Variants in CLINT1 observed in about 807,000 individuals in gnomAD.
CLINT1 encodes clathrin interacting protein localized in the trans-Golgi region.
Under a neutral mutation model 70.4 loss-of-function variants are expected in CLINT1, and 15 were observed. The observed-to-expected ratio is 0.21, with a 90% CI of 0.14 to 0.33. The LOEUF (loss-of-function observed/expected upper bound fraction) is 0.33, where lower values mean the gene tolerates loss of function less well. Ranked by LOEUF, CLINT1 falls within the 10% of genes least tolerant of loss-of-function variation. The pLI is 1.00. For synonymous variants in CLINT1, 227 were observed against 254.7 expected, an observed-to-expected ratio of 0.89 and a Z score of 1.04; for missense variants, 615 against 778.1, an observed-to-expected ratio of 0.79 and a Z score of 2.49.
intron 1 of CLINT1, among the ~76,000 whole-genome samples, chr5:157,832,430 G>A (rs975140706): frequency 1.3e-5 from 2 of 152,316 alleles, no homozygotes; most frequent in Admixed American, 1.3e-4. Flanking sequence ...GCTGCAAGCT[G>A]TCACTGGGAT....
chr5:157,820,908 T>A (rs567666925), intron 1 of CLINT1, among the ~76,000 whole-genome samples: 1 of 152,294 alleles, frequency 6.6e-6, no homozygotes, highest in Non-Finnish European at 1.5e-5. Flanking sequence ...GAATTTGATC[T>A]GCAAACAAAA....
chr5:157,788,040 G>T (rs1225553449), intron 11 of CLINT1, 48 bp from the exon 12 acceptor site: 2 of 1,436,650 alleles, frequency 1.4e-6, no homozygotes, highest in South Asian at 1.2e-5. Flanking sequence ...TAAATTTTTA[G>T]GTTCATAGAA....
chr5:157,819,167 A>C (rs1179672318), intron 1 of CLINT1, among the ~76,000 whole-genome samples: 1 of 152,222 alleles, frequency 6.6e-6, no homozygotes, highest in African/African-American at 2.4e-5. Flanking sequence ...AGAACAAACC[A>C]ACAAACAGGT....
At chr5:157,805,832 C>T in intron 7 of CLINT1, 34 bp downstream of exon 7, 1 of 1,610,660 alleles carries the variant, frequency 6.2e-7, no homozygotes, top group Non-Finnish European at 8.5e-7. Context: ...AAAAATAAAA[C>T]CATGTATAAT....
At position 157,789,529 on chromosome 5, in the gene CLINT1, A is replaced by G; in HGVS notation, c.1381-16T>C. 3 of 1,613,972 alleles carry G rather than the reference A, an allele frequency of 1.9e-6. No homozygotes were observed. Among genetic ancestry groups the G allele is most frequent in the Non-Finnish European group, 2.5e-6 (3 of 1,179,872 alleles). ...TATCTGTATTCTGATTATAGAGAGG[A>G]TTAGGCTTCTGCAGCACTGTGCTAA... On this transcript the variant is annotated splice_polypyrimidine_tract_variant and intron_variant, in intron 10 of 11. Transcript: ENST00000411809.
intron 1 of CLINT1, among the ~76,000 whole-genome samples, chr5:157,828,160 T>A (rs932049232): frequency 6.6e-6 from 1 of 152,156 alleles, no homozygotes; most frequent in Non-Finnish European, 1.5e-5. Flanking sequence ...CTGCTGCTAT[T>A]ATGACCTGGG....
chr5:157,793,624 G>A (rs1175391879), intron 9 of CLINT1, among the ~76,000 whole-genome samples: 3 of 152,046 alleles, frequency 2.0e-5, no homozygotes, highest in Non-Finnish European at 4.4e-5. Context: ...AATTAGACAG[G>A]GAAGCTATAA....
At chr5:157,809,931 A>G in intron 5 of CLINT1, 126 bp from the exon 6 acceptor site, 1 of 877,826 alleles carries the variant, frequency 1.1e-6, no homozygotes, top group South Asian at 1.7e-5. Flanking sequence ...GAAAGCTCCC[A>G]CAGTGCTGAA....
At chr5:157,805,411 A>C (rs1170696580) in intron 7 of CLINT1, among the ~76,000 whole-genome samples, 2 of 152,254 alleles carry the variant, frequency 1.3e-5, no homozygotes, top group African/African-American at 2.4e-5. Flanking sequence ...GATACTGATC[A>C]GTAATGACTG....
intron 1 of CLINT1, among the ~76,000 whole-genome samples, chr5:157,824,536 C>T (rs973633195): frequency 6.6e-6 from 1 of 152,088 alleles, no homozygotes; most frequent in African/African-American, 2.4e-5. Flanking sequence ...AAATGAAATA[C>T]AATGCAATGA....
chr5:157,827,136 A>AT (rs554376044), intron 1 of CLINT1, among the ~76,000 whole-genome samples: 1 of 151,990 alleles, frequency 6.6e-6, no homozygotes, highest in Non-Finnish European at 1.5e-5. Context: ...AAATCTTAAA[A>AT]TTTTTTTTCC....
intron 10 of CLINT1, among the ~76,000 whole-genome samples, chr5:157,791,410 G>T (rs3822721): frequency 0.17 from 25,777 of 152,200 alleles, 3,175 homozygotes; most frequent in East Asian, 0.58. Context: ...CCAATTTGTT[G>T]TAACAATAAA....
intron 9 of CLINT1, 125 bp from the exon 10 acceptor site, chr5:157,792,120 T>A: frequency 1.3e-6 from 1 of 741,298 alleles, no homozygotes. Context: ...GCAGGTACCA[T>A]CTCCATCTGG....
At chr5:157,830,238 G>A (rs1051841766) in intron 1 of CLINT1, among the ~76,000 whole-genome samples, 12 of 152,150 alleles carry the variant, frequency 7.9e-5, no homozygotes, top group African/African-American at 2.9e-4. Context: ...ATCATCCACT[G>A]CAACCAGTCG....
rs572057624 is a variant in CLINT1 at position 157,828,169 on chromosome 5, G to A, written c.42-10622C>T. Among the ~76,000 whole-genome samples the A allele has an allele frequency of 2.6e-5, 4 of 152,202 alleles. No homozygotes were observed. In the South Asian group the frequency reaches 8.3e-4, roughly 32 times the overall value. On this transcript the variant is annotated intron_variant, in intron 1 of 11. Coordinates refer to ENST00000411809, the MANE Select transcript of CLINT1 (RefSeq NM_014666.4). ...CAGGTGCTGCTGCTATTATGACCTG[G>A]GCAGATGACAGGCTTACAGAAAAAC... is the stretch of plus-strand genomic sequence containing the variant.
intron 2 of CLINT1, 113 bp downstream of exon 2, chr5:157,817,330 T>C (rs1762750198): frequency 1.0e-5 from 7 of 672,510 alleles, no homozygotes; most frequent in South Asian, 9.3e-5. Flanking sequence ...TGAATGATTA[T>C]GCAAAATTTA....
chr5:157,814,126 G>T, intron 4 of CLINT1, 59 bp downstream of exon 4: 3 of 1,092,072 alleles, frequency 2.7e-6, no homozygotes, highest in Non-Finnish European at 4.1e-6. Context: ...AGCTGGTTCA[G>T]GTGACTGACA....
intron 1 of CLINT1, among the ~76,000 whole-genome samples, chr5:157,856,709 C>G (rs1378942627): frequency 6.6e-6 from 1 of 152,194 alleles, no homozygotes; most frequent in African/African-American, 2.4e-5. Context: ...AAATCAACCT[C>G]ATGTTCTAAT....
chr5:157,856,929 A>G (rs1214311998), intron 1 of CLINT1, among the ~76,000 whole-genome samples: 1 of 152,238 alleles, frequency 6.6e-6, no homozygotes, highest in Non-Finnish European at 1.5e-5. Context: ...AAGTGTGATA[A>G]GCAAATATGA....
Sources: gnomAD v4.1 joint callset for allele counts (sites outside exome capture counted in the v4.1 genomes callset) on GRCh38, gnomAD v4.1.1 for gene constraint, MANE v1.5 for transcripts, NCBI Gene and HGNC (gene_info 2026-07-23, HGNC 2026-07-21) for gene names.